Variants in SYNE2 observed in about 807,000 individuals in gnomAD.
The protein encoded by SYNE2 is spectrin repeat containing nuclear envelope protein 2.
In SYNE2, 431 loss-of-function variants were observed where a neutral mutation model predicts 856.3. That is an observed-to-expected ratio of 0.50 (90% confidence interval 0.47 to 0.55). The LOEUF (loss-of-function observed/expected upper bound fraction) is 0.55. SYNE2 is among the 20% of genes least tolerant of loss of function. The pLI, the probability that SYNE2 is intolerant of heterozygous loss-of-function variation, is 0.00. For missense variants in SYNE2, 8,129 were observed against 8,023.2 expected (o/e 1.01, Z -0.50); for synonymous variants, 2,923 against 2,872.3 (o/e 1.02, Z -0.56).
chr14:63,820,750 CTTTTT>C (rs201007276), intron 1 of SYNE2, among the ~76,000 whole-genome samples: 2 of 140,388 alleles, frequency 1.4e-5, no homozygotes, highest in Admixed American at 7.2e-5. Context: ...CACAGGAGAA[CTTTTT>C]TTTTTTTTTT....
chr14:64,103,036 T>C (rs529929393), intron 64 of SYNE2, among the ~76,000 whole-genome samples: 3 of 152,238 alleles, frequency 2.0e-5, no homozygotes, highest in Admixed American at 6.5e-5. Context: ...CCACATGTTC[T>C]TTCTCCATTC....
At chr14:63,989,164 A>T (rs564008486) in intron 19 of SYNE2, among the ~76,000 whole-genome samples, 1 of 152,136 alleles carries the variant, frequency 6.6e-6, no homozygotes, top group South Asian at 2.1e-4. Flanking sequence ...TGAATTATAC[A>T]AGCTCTTTGA....
chr14:63,827,877 C>A (rs1413012158), intron 1 of SYNE2, among the ~76,000 whole-genome samples: 4 of 151,624 alleles, frequency 2.6e-5, no homozygotes, highest in African/African-American at 9.7e-5. Flanking sequence ...TCTACATTTG[C>A]AGTTTCAATT....
At chr14:64,182,391 ATTTG>A (rs1039716238) in intron 96 of SYNE2, among the ~76,000 whole-genome samples, 19 of 151,850 alleles carry the variant, frequency 1.3e-4, no homozygotes, top group East Asian at 5.8e-4. Flanking sequence ...ATTTTTATTT[ATTTG>A]TTTATTTATT....
chr14:64,041,004 G>A (rs2097144322), intron 45 of SYNE2, among the ~76,000 whole-genome samples: 1 of 152,060 alleles, frequency 6.6e-6, no homozygotes, highest in Admixed American at 6.6e-5. Context: ...AAACAAGTAT[G>A]TCAATAATAA....
At chr14:64,219,114 T>TA in intron 109 of SYNE2, 94 bp from the exon 110 acceptor site, 1 of 959,578 alleles carries the variant, frequency 1.0e-6, no homozygotes, top group Non-Finnish European at 1.5e-6. Context: ...GTTTTTTTTT[T>TA]TTTTTTTTTT....
At chr14:63,869,467 C>G (rs1896279476) in intron 1 of SYNE2, among the ~76,000 whole-genome samples, 1 of 151,490 alleles carries the variant, frequency 6.6e-6, no homozygotes, top group Non-Finnish European at 1.5e-5. Flanking sequence ...ACTAAAAATA[C>G]AAAAATTAGC....
chr14:64,154,476 A>G (rs907775083), intron 85 of SYNE2, among the ~76,000 whole-genome samples: 4 of 152,158 alleles, frequency 2.6e-5, no homozygotes, highest in African/African-American at 9.6e-5. Flanking sequence ...CTTGATAATA[A>G]AAGGAAAAAT....
At chr14:63,847,272 C>T (rs1890256650) in intron 1 of SYNE2, among the ~76,000 whole-genome samples, 1 of 151,372 alleles carries the variant, frequency 6.6e-6, no homozygotes, top group Non-Finnish European at 1.5e-5. Context: ...TATAGAGACC[C>T]TGCTTTTACA....
intron 2 of SYNE2, among the ~76,000 whole-genome samples, chr14:63,921,646 A>T (rs1566805311): frequency 6.6e-6 from 1 of 152,238 alleles, no homozygotes; most frequent in Admixed American, 6.5e-5. Context: ...AACAATGGAA[A>T]TACGTAAGTG....
At chr14:64,191,043 G>A in intron 99 of SYNE2, 1 of 702,250 alleles carries the variant, frequency 1.4e-6, no homozygotes, top group East Asian at 2.7e-5. Flanking sequence ...AGTGTGCTCA[G>A]ATGTTTTGAA....
intron 49 of SYNE2, among the ~76,000 whole-genome samples, chr14:64,056,632 T>C (rs559791708): frequency 6.6e-6 from 1 of 152,000 alleles, no homozygotes; most frequent in African/African-American, 2.4e-5. Flanking sequence ...AAATAACCAT[T>C]CTCCCAAATT....
chr14:64,138,329 T>C (rs58190944), intron 79 of SYNE2, among the ~76,000 whole-genome samples: 4,197 of 152,240 alleles, frequency 0.028, 120 homozygotes, highest in East Asian at 0.12. Flanking sequence ...ACTCCTGGAC[T>C]CAAGCGATCC....
At chr14:64,034,454 T>C in intron 45 of SYNE2, 1 of 463,466 alleles carries the variant, frequency 2.2e-6, no homozygotes, top group Non-Finnish European at 3.9e-6. Context: ...AAAGTTTTTA[T>C]TTCTTTTACT....
rs1296501681 is a variant in SYNE2, at chr14:64,182,084, A to C, written c.17557-4340A>C. Among the ~76,000 whole-genome samples the C allele has an allele frequency of 2.0e-5, 3 of 152,178 alleles. No homozygotes were observed. The East Asian group carries it at 5.8e-4, about 29-fold the overall frequency. On this transcript the variant is annotated intron_variant, in intron 96 of 115. Coordinates refer to ENST00000555002, the MANE Select transcript of SYNE2 (RefSeq NM_182914.3). ...TTCTTTTTTGGTCCTCCTTTACCCAAATGGTAGTACAGAGAAATGGGACTT... is the reference window on the plus strand; with the variant it reads ...TTCTTTTTTGGTCCTCCTTTACCCACATGGTAGTACAGAGAAATGGGACTT...
chr14:64,135,080 G>T (rs1381437342), intron 78 of SYNE2, among the ~76,000 whole-genome samples: 2 of 152,048 alleles, frequency 1.3e-5, no homozygotes, highest in Non-Finnish European at 2.9e-5. Flanking sequence ...ATTTTGGTGC[G>T]AAAGAAAAGA....
intron 61 of SYNE2, among the ~76,000 whole-genome samples, chr14:64,096,724 G>A (rs547922663): frequency 1.5e-4 from 23 of 152,314 alleles, no homozygotes; most frequent in African/African-American, 5.1e-4. Context: ...GTGCTCTGCT[G>A]TGTGCTAGTT....
intron 6 of SYNE2, among the ~76,000 whole-genome samples, chr14:63,947,930 G>A (rs749729623): frequency 1.2e-4 from 18 of 152,200 alleles, no homozygotes; most frequent in East Asian, 9.7e-4. Context: ...TATATGTGAA[G>A]CTCCATTTTC....
Position 64,225,368 on chromosome 14 carries a change from C to T in SYNE2, c.20566C>T (p.Arg6856Trp), listed in dbSNP as rs752809741. 25 of 1,614,024 alleles carry T rather than the reference C, an allele frequency of 1.5e-5. No homozygotes were observed. The highest frequency in any genetic ancestry group is 1.3e-4 in the South Asian group (12 of 91,076). Residue 6856 changes from arginine (R) to tryptophan (W), a missense_variant, in exon 116 of 116, where the codon CGG (arginine) becomes TGG (tryptophan). Physicochemically the swap from Arg to Trp is moderately radical, Grantham distance 101. Transcript: ENST00000555002. ...GCGCTCCTTCCTCTCAAGGGTGGTCCGGGCAGCCCTACCCCTGCAGCTGCT... is the reference window on the plus strand; with the variant it reads ...GCGCTCCTTCCTCTCAAGGGTGGTCTGGGCAGCCCTACCCCTGCAGCTGCT... Reference protein sequence around the residue: ...PQRSFLSRVVRAALPLQLLLL... With the variant: ...PQRSFLSRVVWAALPLQLLLL...
Sources: gnomAD v4.1 joint callset for allele counts (sites outside exome capture counted in the v4.1 genomes callset) on GRCh38, gnomAD v4.1.1 for gene constraint, MANE v1.5 for transcripts, NCBI Gene and HGNC (gene_info 2026-07-23, HGNC 2026-07-21) for gene names.